TENM2: variants seen among roughly 807,000 people sequenced by gnomAD.
TENM2 encodes teneurin transmembrane protein 2.
In TENM2, 52 loss-of-function variants were observed where a neutral mutation model predicts 245.2. The observed-to-expected ratio is 0.21, with a 90% CI of 0.17 to 0.27. The LOEUF (loss-of-function observed/expected upper bound fraction) is 0.27. Ranked by LOEUF, TENM2 falls within the 10% of genes least tolerant of loss-of-function variation. The probability of loss-of-function intolerance (pLI) is 1.00; values close to 1 mark genes in which losing one functional copy is unlikely to be tolerated. For missense variants in TENM2, 3,046 were observed against 3,666.8 expected (o/e 0.83, Z 4.37); for synonymous variants, 1,363 against 1,438.9 (o/e 0.95, Z 1.19).
intron 1 of TENM2, among the ~76,000 whole-genome samples, chr5:167,326,775 C>T (rs1395802568): frequency 6.7e-6 from 1 of 149,434 alleles, no homozygotes; most frequent in African/African-American, 2.4e-5. Context: ...TGGGGAAAAC[C>T]CCAAAGTTAC....
At chr5:167,788,185 A>G (rs1402401793) in intron 2 of TENM2, among the ~76,000 whole-genome samples, 5 of 152,124 alleles carry the variant, frequency 3.3e-5, no homozygotes, top group Admixed American at 3.3e-4. Flanking sequence ...ATTGTTATTG[A>G]ATGACTTTGT....
the TENM2 span, among the ~76,000 whole-genome samples, chr5:167,166,700 G>A: frequency 6.6e-6 from 1 of 152,066 alleles, no homozygotes; most frequent in East Asian, 1.9e-4. Flanking sequence ...CAAGTGTAAA[G>A]AAGTCATTTA....
chr5:167,322,603 CT>C (rs1260015832), intron 1 of TENM2, among the ~76,000 whole-genome samples: 16 of 151,404 alleles, frequency 1.1e-4, no homozygotes, highest in Non-Finnish European at 1.8e-4. Context: ...TTCCCTCCCC[CT>C]TTTTTTTTAA....
chr5:167,954,889 C>T (rs1298979683), intron 4 of TENM2, among the ~76,000 whole-genome samples: 1 of 152,174 alleles, frequency 6.6e-6, no homozygotes, highest in African/African-American at 2.4e-5. Flanking sequence ...TGGGTTGGTT[C>T]CAAGTCTCTG....
intron 2 of TENM2, among the ~76,000 whole-genome samples, chr5:167,692,532 C>G (rs187142736): frequency 7.9e-5 from 12 of 152,272 alleles, no homozygotes; most frequent in African/African-American, 2.4e-4. Context: ...GAAAACAGAA[C>G]TTTATTATCA....
chr5:167,984,299 A>G (rs916017903), intron 4 of TENM2, among the ~76,000 whole-genome samples: 1 of 152,224 alleles, frequency 6.6e-6, no homozygotes, highest in Admixed American at 6.5e-5. Flanking sequence ...AAGGCTGACT[A>G]CAAACATCAG....
chr5:167,949,404 A>G (rs1779899225), intron 3 of TENM2, among the ~76,000 whole-genome samples: 1 of 152,140 alleles, frequency 6.6e-6, no homozygotes, highest in Admixed American at 6.5e-5. Context: ...TCTGCCCTAG[A>G]TAGATGAAAT....
intron 4 of TENM2, among the ~76,000 whole-genome samples, chr5:167,956,029 G>C (rs997262582): frequency 3.3e-5 from 5 of 152,126 alleles, no homozygotes; most frequent in African/African-American, 1.2e-4. Context: ...TAGCTTGATG[G>C]GGATAGCATT....
chr5:167,311,223 T>G (rs1756012263), intron 1 of TENM2, among the ~76,000 whole-genome samples: 1 of 152,218 alleles, frequency 6.6e-6, no homozygotes, highest in Admixed American at 6.5e-5. Context: ...TTTAAATTAC[T>G]TTGCGCTGTA....
chr5:168,146,236 G>T (rs577791346), intron 12 of TENM2, among the ~76,000 whole-genome samples: 31 of 151,922 alleles, frequency 2.0e-4, no homozygotes, highest in Non-Finnish European at 4.3e-4. Flanking sequence ...TATATAAAAC[G>T]TGCACATATG....
At chr5:167,291,517 A>G (rs985401683) in intron 1 of TENM2, among the ~76,000 whole-genome samples, 3 of 152,230 alleles carry the variant, frequency 2.0e-5, no homozygotes, top group African/African-American at 7.2e-5. Context: ...ATCACTGGAA[A>G]GAGTCCCTTG....
chr5:167,706,588 T>TTCAA (rs1227444345), intron 2 of TENM2, among the ~76,000 whole-genome samples: 7 of 152,184 alleles, frequency 4.6e-5, no homozygotes, highest in African/African-American at 1.4e-4. Flanking sequence ...AGAGCTGGTT[T>TTCAA]TCAATTCCTT....
the TENM2 span, among the ~76,000 whole-genome samples, chr5:167,258,492 C>T: frequency 6.6e-6 from 1 of 152,012 alleles, no homozygotes; most frequent in Non-Finnish European, 1.5e-5. Context: ...GTGCAGTCCC[C>T]TCTCTGTAGA....
At chr5:167,100,354 T>C in the TENM2 span, among the ~76,000 whole-genome samples, 1 of 152,130 alleles carries the variant, frequency 6.6e-6, no homozygotes. Flanking sequence ...TGATGCTGGA[T>C]GTCTCCTGGT....
Position 167,809,599 on chromosome 5 carries a change from A to G in TENM2, c.503-66387A>G, listed in dbSNP as rs181171526. On this transcript the variant is annotated intron_variant, in intron 2 of 28. Coordinates refer to ENST00000518659, the Ensembl canonical transcript of TENM2. ...TCTGAATAGTCTTTCTCTATTCTATATATACTTAATACAGATATGCCCCAT... is the reference window on the plus strand; with the variant it reads ...TCTGAATAGTCTTTCTCTATTCTATGTATACTTAATACAGATATGCCCCAT... 3.0e-3 allele frequency among the ~76,000 whole-genome samples: 464 copies of G among 152,270 alleles called. 2 individuals carry two copies. The highest frequency in any genetic ancestry group is 5.3e-3 in the Non-Finnish European group (361 of 68,014).
intron 2 of TENM2, among the ~76,000 whole-genome samples, chr5:167,480,497 C>T (rs1767688472): frequency 6.6e-6 from 1 of 152,126 alleles, no homozygotes; most frequent in Non-Finnish European, 1.5e-5. Context: ...CAAATGGTAG[C>T]TATTCGGTGT....
At chr5:168,214,439 A>C (rs1763019858) in intron 20 of TENM2, among the ~76,000 whole-genome samples, 1 of 152,260 alleles carries the variant, frequency 6.6e-6, no homozygotes, top group Non-Finnish European at 1.5e-5. Context: ...CAGTACCAGC[A>C]AGATACCCAC....
chr5:167,112,583 A>C, the TENM2 span, among the ~76,000 whole-genome samples: 1 of 152,380 alleles, frequency 6.6e-6, no homozygotes, highest in Non-Finnish European at 1.5e-5. Flanking sequence ...TCACATTACA[A>C]GAACAAAAGA....
chr5:168,169,774 T>C (rs1321337744), intron 13 of TENM2, among the ~76,000 whole-genome samples: 4 of 152,206 alleles, frequency 2.6e-5, no homozygotes, highest in Non-Finnish European at 5.9e-5. Context: ...CCTTGATTAA[T>C]GTATCCCAAT....
Sources: allele counts gnomAD v4.1 joint callset (sites outside exome capture counted in the v4.1 genomes callset), GRCh38; gene constraint gnomAD v4.1.1; transcripts MANE v1.5; gene names NCBI Gene and HGNC (gene_info 2026-07-23, HGNC 2026-07-21).